SNX32: variants seen among roughly 807,000 people sequenced by gnomAD.
SNX32 encodes the protein sorting nexin 32, also known as sorting nexin-32.
SNX32 carries 58 observed loss-of-function variants against 57.0 expected under a neutral mutation model. The observed-to-expected ratio is 1.02, with a 90% CI of 0.82 to 1.27. The LOEUF (loss-of-function observed/expected upper bound fraction) is 1.27. Among genes scored for constraint, SNX32 ranks in the 50% most tolerant of loss-of-function variants. SNX32 has a pLI of 0.00. For synonymous variants in SNX32, 262 were observed against 220.4 expected (o/e 1.19, Z -1.67); for missense variants, 589 against 541.2 (o/e 1.09, Z -0.88).
At chr11:65,850,358 T>A (rs1030107528) in intron 4 of SNX32, 73 bp from the exon 5 acceptor site, 2 of 1,612,328 alleles carry the variant, frequency 1.2e-6, no homozygotes, top group Non-Finnish European at 1.7e-6. Flanking sequence ...AACCCTGACC[T>A]CTGACCCCAG....
At position 65,853,674 on chromosome 11, in the gene SNX32, G is replaced by A. The variant is rs939695745; in HGVS notation, c.*339G>A. On this transcript the variant is annotated 3_prime_UTR_variant, in exon 13 of 13. Coordinates refer to ENST00000308342, the MANE Select transcript of SNX32 (RefSeq NM_152760.3). Reference sequence around the variant, plus strand: ...ACTTGATCCCGGCCTGTTCTCCTTCGCAAATAAAAACCCTGGTTTTGTAGC... The same window carrying A: ...ACTTGATCCCGGCCTGTTCTCCTTCACAAATAAAAACCCTGGTTTTGTAGC... 2.6e-5 allele frequency: 9 copies of A among 350,858 alleles called. No individual in the cohort carries two copies. The highest frequency in any genetic ancestry group is 1.7e-4 in the Admixed American group (4 of 22,870). The allele number at this position is 350,858 out of a possible 1,614,324, so 21.7% of individuals were successfully genotyped here.
chr11:65,851,347 C>T lies in SNX32; in HGVS notation c.729C>T (p.Ile243=), dbSNP rs766752414. 1.9e-6 allele frequency: 3 copies of T among 1,614,024 alleles called. No individual in the cohort carries two copies. The highest frequency in any genetic ancestry group is 1.6e-4 in the Middle Eastern group (1 of 6,084). ...RAHKCLADDY[I]PISAALSSLG... ...CAACAGGCCTGGCAGACGATTATAT[C>T]CCTATCTCAGCTGCGCTGAGCAGTC... Residue 243 remains isoleucine (I), a synonymous_variant, in exon 8 of 13, where the codon ATC becomes ATT. Coordinates refer to ENST00000308342, the MANE Select transcript of SNX32 (RefSeq NM_152760.3).
intron 1 of SNX32, among the ~76,000 whole-genome samples, chr11:65,840,290 G>C (rs1858806503): frequency 6.6e-6 from 1 of 152,102 alleles, no homozygotes; most frequent in South Asian, 2.1e-4. Flanking sequence ...GCTTCATTAA[G>C]ATACCCTTGA....
intron 1 of SNX32, among the ~76,000 whole-genome samples, chr11:65,845,747 C>A (rs11227330): frequency 0.014 from 2,128 of 151,944 alleles, 47 homozygotes; most frequent in East Asian, 0.1. Context: ...CAAAAAAAAA[C>A]CAACAAAAAA....
At position 65,839,225 on chromosome 11, in the gene SNX32, A is replaced by ATT. The variant is rs1168882508; in HGVS notation, c.36+5145_36+5146dup. 2.0e-3 allele frequency among the ~76,000 whole-genome samples: 56 copies of ATT among 27,636 alleles called. 13 individuals carry two copies. The highest frequency in any genetic ancestry group is 6.2e-3 in the African/African-American group (41 of 6,628). The allele number at this position is 27,636 out of a possible 152,430, so 18.1% of individuals were successfully genotyped here. On this transcript the variant is annotated intron_variant, in intron 1 of 12. Transcript: ENST00000308342. Reference sequence around the variant, plus strand: ...CACCACGCCCAGCTAATTTTTTTGTATTTTTTTTTTTTTTTTTTTTTTGAG... The same window carrying ATT: ...CACCACGCCCAGCTAATTTTTTTGTATTTTTTTTTTTTTTTTTTTTTTTTGAG...
At chr11:65,836,917 G>A (rs768900921) in intron 1 of SNX32, among the ~76,000 whole-genome samples, 5 of 150,668 alleles carry the variant, frequency 3.3e-5, no homozygotes, top group Non-Finnish European at 7.4e-5. Flanking sequence ...GGGGTAAGGG[G>A]AGGGACAGCA....
In SNX32 at chr11:65,838,456, C is replaced by T. The variant is rs560706404; in HGVS notation, c.36+4355C>T. Among the ~76,000 whole-genome samples, 4 of 152,250 alleles carry T rather than the reference C, an allele frequency of 2.6e-5. No individual in the cohort carries two copies. In the East Asian group the frequency reaches 5.8e-4, roughly 22 times the overall value. On this transcript the variant is annotated intron_variant, in intron 1 of 12. Coordinates refer to ENST00000308342, the MANE Select transcript of SNX32 (RefSeq NM_152760.3). ...GCCAAGCTGGTCTCCAACTCCTGAG[C>T]TCAAGTGATCCTCCCACCTCAGCCT...
intron 5 of SNX32, 59 bp downstream of exon 5, chr11:65,850,613 AG>A (rs1424202338): frequency 6.4e-6 from 10 of 1,561,760 alleles, no homozygotes; most frequent in African/African-American, 1.4e-5. Flanking sequence ...TTGGGTGGGG[AG>A]GCACCCAGGG....
chr11:65,850,180 G>C lies in SNX32; in HGVS notation c.283G>C (p.Glu95Gln). Residue 95 changes from glutamate to glutamine, a missense_variant, in exon 4 of 13, where the codon GAG becomes CAG. By Grantham distance (29) the Glu-to-Gln change is conservative. Coordinates refer to ENST00000308342, the MANE Select transcript of SNX32 (RefSeq NM_152760.3). ...IPPAPPRPDFEASREKLQKLG... is the reference protein window; with the variant it reads ...IPPAPPRPDFQASREKLQKLG... Reference sequence around the variant, plus strand: ...CCCAGCCCCTCCGAGGCCAGACTTTGAGGCTTCGAGGGAAAAGCTACAGAA... The same window carrying C: ...CCCAGCCCCTCCGAGGCCAGACTTTCAGGCTTCGAGGGAAAAGCTACAGAA... 6.2e-7 allele frequency: 1 copy of C among 1,614,234 alleles called. No homozygotes were observed. Among genetic ancestry groups the C allele is most frequent in the Admixed American group, 1.7e-5 (1 of 60,038 alleles).
chr11:65,848,462 C>T (rs1165166493), intron 1 of SNX32, among the ~76,000 whole-genome samples: 1 of 151,078 alleles, frequency 6.6e-6, no homozygotes, highest in East Asian at 2.0e-4. Flanking sequence ...CCCAGCTACC[C>T]GGGAGGCTAA....
At chr11:65,839,887 G>T (rs901485472) in intron 1 of SNX32, among the ~76,000 whole-genome samples, 1 of 151,900 alleles carries the variant, frequency 6.6e-6, no homozygotes, top group East Asian at 1.9e-4. Flanking sequence ...GGCCGGGCGC[G>T]GTGGCTCACG....
intron 12 of SNX32, 113 bp downstream of exon 12, chr11:65,853,071 G>C (rs189679311): frequency 5.5e-5 from 71 of 1,300,450 alleles, no homozygotes; most frequent in Non-Finnish European, 7.4e-5. Flanking sequence ...ATGTATGCGC[G>C]TGTGTGTGCA....
chr11:65,850,927 G>C, intron 6 of SNX32, 72 bp downstream of exon 6: 1 of 1,539,206 alleles, frequency 6.5e-7, no homozygotes, highest in Non-Finnish European at 9.0e-7. Context: ...GGCCCAGGCT[G>C]GGTGTGGGAA....
intron 1 of SNX32, among the ~76,000 whole-genome samples, chr11:65,845,544 C>T (rs1858970103): frequency 6.6e-6 from 1 of 151,840 alleles, no homozygotes; most frequent in Non-Finnish European, 1.5e-5. Context: ...TGAGACCAAC[C>T]TGGCCAACAT....
intron 12 of SNX32, 102 bp downstream of exon 12, chr11:65,853,060 C>T (rs753319837): frequency 1.1e-5 from 15 of 1,350,860 alleles, no homozygotes; most frequent in Non-Finnish European, 1.6e-5. Context: ...GGTGTGCACG[C>T]ATGTATGCGC....
At position 65,853,616 on chromosome 11, in the gene SNX32, C is replaced by T. The variant is rs1385110015; in HGVS notation, c.*281C>T. The T allele has an allele frequency of 1.8e-6, 1 of 540,606 alleles. No individual in the cohort carries two copies. The highest frequency in any genetic ancestry group is 1.9e-5 in the African/African-American group (1 of 52,744). The allele number at this position is 540,606 out of a possible 1,614,324, so 33.5% of individuals were successfully genotyped here. On this transcript the variant is annotated 3_prime_UTR_variant, in exon 13 of 13. Transcript: ENST00000308342. ...CCAGGAAGCTGAGGAACAGCCTCTACCCTCACCCATAGCCCTGAAGGAATC... is the reference window on the plus strand; with the variant it reads ...CCAGGAAGCTGAGGAACAGCCTCTATCCTCACCCATAGCCCTGAAGGAATC...
At chr11:65,851,284 G>C (rs756447439) in intron 7 of SNX32, 44 bp from the exon 8 acceptor site, 7 of 1,611,366 alleles carry the variant, frequency 4.3e-6, no homozygotes, top group African/African-American at 1.3e-5. Flanking sequence ...ACCAAGGCTT[G>C]ACATGCAGAT....
rs1365742140 is a variant in SNX32, at chr11:65,839,254, G to A, written c.36+5153G>A. 8.9e-3 allele frequency among the ~76,000 whole-genome samples: 34 copies of A among 3,840 alleles called. No individual in the cohort carries two copies. In the East Asian group the frequency reaches 0.26, roughly 29 times the overall value. 2.5% of individuals were successfully genotyped at this position (3,840 alleles called of 152,430 possible). On this transcript the variant is annotated intron_variant, in intron 1 of 12. Coordinates refer to ENST00000308342, the MANE Select transcript of SNX32 (RefSeq NM_152760.3). ...TTTTTTTTTTTTTTTTTTTGAGACG[G>A]AGTCTCGCTCTGTCGCCCAGGCTGG...
Position 65,853,366 on chromosome 11 carries a change from G to A in SNX32, c.*31G>A, listed in dbSNP as rs79443754. ...CCAGAGCTCAGCCAGACCCTAATCT[G>A]GGATCTCCAGTGACCAGGGTATCCC... On this transcript the variant is annotated 3_prime_UTR_variant, in exon 13 of 13. Coordinates refer to ENST00000308342, the MANE Select transcript of SNX32 (RefSeq NM_152760.3). 1.2e-6 allele frequency: 2 copies of A among 1,609,982 alleles called. No homozygotes were observed. Among genetic ancestry groups the A allele is most frequent in the African/African-American group, 1.3e-5 (1 of 74,788 alleles).
Sources: gnomAD v4.1 joint callset for allele counts (sites outside exome capture counted in the v4.1 genomes callset) on GRCh38, gnomAD v4.1.1 for gene constraint, MANE v1.5 for transcripts, NCBI Gene and HGNC (gene_info 2026-07-23, HGNC 2026-07-21) for gene names.